GPR146: variants seen among roughly 807,000 people sequenced by gnomAD.
GPR146 encodes G protein-coupled receptor 146, also known as G-protein coupled receptor 146.
For synonymous variants in GPR146, 203 were observed against 104.3 expected (o/e 1.95, Z -5.77); for missense variants, 381 against 213.9 (o/e 1.78, Z -4.87).
At chr7:1,055,325 G>A (rs544192569) in intron 1 of GPR146, 94 of 471,148 alleles carry the variant, frequency 2.0e-4, no homozygotes, top group South Asian at 1.3e-3. Context: ...ACGCGCAGGC[G>A]GCCAGGCGCG....
Position 1,058,464 on chromosome 7 carries a change from G to T in GPR146, c.949G>T (p.Gly317Trp). ...LQRLMKKLPC[G>W]DRHCSPDHMG... ...ACGGCTGATGAAAAAGCTGCCCTGC[G>T]GGGACCGGCACTGCTCCCCGGACCA... The change falls in exon 2 of 2, where the codon GGG becomes TGG. Residue 317 changes from glycine (G) to tryptophan (W), a missense_variant. Gly to Trp is a radical substitution (Grantham distance 184). Transcript: ENST00000444847. 1.3e-6 allele frequency: 1 copy of T among 780,372 alleles called. No homozygotes were observed. The highest frequency in any genetic ancestry group is 1.7e-5 in the Admixed American group (1 of 59,042). 48.3% of individuals were successfully genotyped at this position (780,372 alleles called of 1,614,324 possible).
At chr7:1,047,245 G>T (rs953242540) in intron 1 of GPR146, among the ~76,000 whole-genome samples, 2 of 152,172 alleles carry the variant, frequency 1.3e-5, no homozygotes, top group East Asian at 1.9e-4. Flanking sequence ...TTGGTCTCAG[G>T]CCCCCAGAGC....
chr7:1,058,548 C>T lies in GPR146; in HGVS notation c.*31C>T. On this transcript the variant is annotated 3_prime_UTR_variant, in exon 2 of 2. Transcript: ENST00000444847. ...CCAGCCCTCCTGGGGAGACGTGACTCTGGTGGACGCAGAGCACTTAGTTAC... is the reference window on the plus strand; with the variant it reads ...CCAGCCCTCCTGGGGAGACGTGACTTTGGTGGACGCAGAGCACTTAGTTAC... 1.3e-6 allele frequency: 1 copy of T among 755,450 alleles called. No homozygotes were observed. Among genetic ancestry groups the T allele is most frequent in the Non-Finnish European group, 2.5e-6 (1 of 405,468 alleles). 46.8% of individuals were successfully genotyped at this position (755,450 alleles called of 1,614,324 possible).
At chr7:1,045,072 G>T (rs1181006737) in intron 1 of GPR146, among the ~76,000 whole-genome samples, 1 of 152,224 alleles carries the variant, frequency 6.6e-6, no homozygotes, top group Non-Finnish European at 1.5e-5. Context: ...GGAGGTGTCG[G>T]ATCTGCTGTC....
At chr7:1,057,448 T>C in intron 1 of GPR146, 44 bp from the exon 2 acceptor site, 1 of 672,064 alleles carries the variant, frequency 1.5e-6, no homozygotes, top group South Asian at 1.7e-5. Context: ...GGCCAGGGCT[T>C]TGGGACGGGA....
chr7:1,053,391 C>T (rs779515966), intron 1 of GPR146, among the ~76,000 whole-genome samples: 3 of 152,256 alleles, frequency 2.0e-5, no homozygotes, highest in Non-Finnish European at 4.4e-5. Flanking sequence ...AGCTCAGTGA[C>T]AGGGAGCTGG....
chr7:1,054,019 G>A (rs1435883947), intron 1 of GPR146, among the ~76,000 whole-genome samples: 1 of 152,170 alleles, frequency 6.6e-6, no homozygotes, highest in Admixed American at 6.5e-5. Flanking sequence ...CGAGGAAGGG[G>A]TTTCCTCACG....
At chr7:1,050,360 A>C (rs2128195778) in intron 1 of GPR146, among the ~76,000 whole-genome samples, 1 of 152,362 alleles carries the variant, frequency 6.6e-6, no homozygotes, top group South Asian at 2.1e-4. Context: ...GGAGCCGTCC[A>C]CCTGCGGCGG....
Position 1,052,013 on chromosome 7 carries a change from G to A in GPR146, c.-24-5479G>A, listed in dbSNP as rs1304432678. ...AATAAAAACAGAAGGAGGAACAGAT[G>A]AATCCCATTTGTGACATTAATGAAT... On this transcript the variant is annotated intron_variant, in intron 1 of 1. Coordinates refer to ENST00000444847, the MANE Select transcript of GPR146 (RefSeq NM_001303473.2). This position sits in a 1 kb window ranked among gnomAD's most constrained non-coding sequence, Gnocchi z 4.2. Among the ~76,000 whole-genome samples, 6 of 152,202 alleles carry A rather than the reference G, an allele frequency of 3.9e-5. No homozygotes were observed. Among genetic ancestry groups the A allele is most frequent in the African/African-American group, 1.4e-4 (6 of 41,456 alleles).
intron 1 of GPR146, among the ~76,000 whole-genome samples, chr7:1,047,639 A>C (rs933758821): frequency 6.6e-6 from 1 of 152,256 alleles, no homozygotes; most frequent in African/African-American, 2.4e-5. Flanking sequence ...TATTCACCCA[A>C]GGTTGAGCGT....
intron 1 of GPR146, chr7:1,055,280 A>G: frequency 2.1e-6 from 1 of 471,176 alleles, no homozygotes; most frequent in Non-Finnish European, 4.4e-6. Context: ...TTACCAGAGG[A>G]AAACAAGTGC....
chr7:1,045,735 C>T (rs1158633765), intron 1 of GPR146: 2 of 152,256 alleles, frequency 1.3e-5, no homozygotes, highest in Non-Finnish European at 2.9e-5. Context: ...TGTTGTCTTC[C>T]TCAATGAAGA....
chr7:1,046,647 G>A (rs1005252753), intron 1 of GPR146, among the ~76,000 whole-genome samples: 4 of 152,198 alleles, frequency 2.6e-5, no homozygotes, highest in African/African-American at 4.8e-5. Flanking sequence ...TCTTAGGAGC[G>A]TGCTGTCTAC....
chr7:1,058,133 G>A lies in GPR146; in HGVS notation c.618G>A (p.Ala206=), dbSNP rs112627962. Reference sequence around the variant, plus strand: ...TGCCAGCACTGGCCACCCTCTACGCGCTGGTGCTACTCTCCCGCGTCCGCA... The same window carrying A: ...TGCCAGCACTGGCCACCCTCTACGCACTGGTGCTACTCTCCCGCGTCCGCA... ...YVVPALATLY[A]LVLLSRVRRE... Residue 206 remains alanine (A), a synonymous_variant, in exon 2 of 2, where the codon GCG becomes GCA. Transcript: ENST00000444847. 14 of 751,222 alleles carry A rather than the reference G, an allele frequency of 1.9e-5. No individual in the cohort carries two copies. Among genetic ancestry groups the A allele is most frequent in the African/African-American group, 6.8e-5 (4 of 58,870 alleles). The allele number at this position is 751,222 out of a possible 1,614,324, so 46.5% of individuals were successfully genotyped here.
Position 1,057,651 on chromosome 7 carries a change from G to A in GPR146, c.136G>A (p.Ala46Thr), listed in dbSNP as rs1277358550. 7.8e-6 allele frequency: 6 copies of A among 770,366 alleles called. No individual in the cohort carries two copies. Among genetic ancestry groups the A allele is most frequent in the Middle Eastern group, 2.4e-4 (1 of 4,142 alleles). The allele number at this position is 770,366 out of a possible 1,614,324, so 47.7% of individuals were successfully genotyped here. A position where few individuals can be genotyped will look rare whatever the true frequency, so the allele number is the denominator to read the frequency against. ...VGVPVGLCYN[A>T]LLVLANLHSK... is the part of the protein sequence containing the mutation. Reference sequence around the variant, plus strand: ...CGTGCCAGTGGGCCTGTGCTACAACGCCCTGCTGGTGCTGGCCAACCTACA... The same window carrying A: ...CGTGCCAGTGGGCCTGTGCTACAACACCCTGCTGGTGCTGGCCAACCTACA... Residue 46 changes from alanine to threonine, a missense_variant, in exon 2 of 2, where the codon GCC becomes ACC. Coordinates refer to ENST00000444847, the MANE Select transcript of GPR146 (RefSeq NM_001303473.2).
At chr7:1,046,258 T>C (rs573378783) in intron 1 of GPR146, among the ~76,000 whole-genome samples, 1 of 152,292 alleles carries the variant, frequency 6.6e-6, no homozygotes, top group Admixed American at 6.5e-5. Context: ...AAAAAATAAC[T>C]GCCGCCTGGC....
chr7:1,058,427 C>T lies in GPR146; in HGVS notation c.912C>T (p.Pro304=). The T allele has an allele frequency of 1.3e-6, 1 of 780,744 alleles. No individual in the cohort carries two copies. The highest frequency in any genetic ancestry group is 2.4e-6 in the Non-Finnish European group (1 of 418,132). The allele number at this position is 780,744 out of a possible 1,614,324, so 48.4% of individuals were successfully genotyped here. A position where few individuals can be genotyped will look rare whatever the true frequency, so the allele number is the denominator to read the frequency against. ...ACCGCTACATGAACCAGAGCTTCCC[C>T]AGCAAGCTCCAACGGCTGATGAAAA... is the stretch of plus-strand genomic sequence containing the variant. The part of the protein sequence containing the change: ...LLYRYMNQSF[P]SKLQRLMKKL... Residue 304 remains proline (P), a synonymous_variant, in exon 2 of 2, where the codon CCC becomes CCT. Coordinates refer to ENST00000444847, the MANE Select transcript of GPR146 (RefSeq NM_001303473.2).
At chr7:1,048,790 T>C (rs1167315742) in intron 1 of GPR146, among the ~76,000 whole-genome samples, 1 of 152,148 alleles carries the variant, frequency 6.6e-6, no homozygotes, top group African/African-American at 2.4e-5. Flanking sequence ...CAGCCGCACA[T>C]GGGCTCCAGA....
chr7:1,055,070 G>A (rs1033297747), intron 1 of GPR146, among the ~76,000 whole-genome samples: 4 of 137,040 alleles, frequency 2.9e-5, no homozygotes, highest in Non-Finnish European at 6.4e-5. Flanking sequence ...GCCCCGCAGC[G>A]ATGCAGACAG....
Sources: gnomAD v4.1 joint callset for allele counts (sites outside exome capture counted in the v4.1 genomes callset) on GRCh38, gnomAD v4.1.1 for gene constraint, Gnocchi (gnomAD v3.1) non-coding constraint, MANE v1.5 for transcripts, NCBI Gene and HGNC (gene_info 2026-07-23, HGNC 2026-07-21) for gene names.